The following GPR158 variants were observed in gnomAD, a reference collection of about 807,000 sequenced individuals.
GPR158 encodes metabotropic glycine receptor.
A neutral mutation model predicts 78.2 loss-of-function variants in GPR158; 30 were observed. That is an observed-to-expected ratio of 0.38 (90% CI 0.29 to 0.52). The LOEUF is 0.52. Ranked by LOEUF, GPR158 falls within the 20% of genes least tolerant of loss-of-function variation. The probability of loss-of-function intolerance (pLI) is 0.83; values close to 1 mark genes in which losing one functional copy is unlikely to be tolerated. For missense variants in GPR158, 1,463 were observed against 1,523.5 expected (o/e 0.96, Z 0.66); for synonymous variants, 581 against 591.1 (o/e 0.98, Z 0.25).
At chr10:25,286,753 C>T (rs78971816) in intron 2 of GPR158, among the ~76,000 whole-genome samples, 2,365 of 152,138 alleles carry the variant, frequency 0.016, 21 homozygotes, top group Non-Finnish European at 0.027. Context: ...GGTGGCATTT[C>T]ATTCAATATG....
At chr10:25,493,057 T>G (rs1835832711) in intron 5 of GPR158, among the ~76,000 whole-genome samples, 1 of 152,034 alleles carries the variant, frequency 6.6e-6, no homozygotes, top group Non-Finnish European at 1.5e-5. Flanking sequence ...CATACAGAAT[T>G]GCAATTTAAG....
chr10:25,518,221 C>T (rs1342933616), intron 5 of GPR158, among the ~76,000 whole-genome samples: 1 of 83,448 alleles, frequency 1.2e-5, no homozygotes, highest in African/African-American at 6.4e-5. Flanking sequence ...TGGTGATATC[C>T]CCTTTATCAT....
chr10:25,552,407 T>G (rs1366600697), intron 6 of GPR158, among the ~76,000 whole-genome samples: 1 of 152,160 alleles, frequency 6.6e-6, no homozygotes, highest in Non-Finnish European at 1.5e-5. Flanking sequence ...TGACAGCCCA[T>G]GTGGACAATA....
chr10:25,343,462 A>T (rs1855331587), intron 2 of GPR158, among the ~76,000 whole-genome samples: 1 of 152,028 alleles, frequency 6.6e-6, no homozygotes, highest in African/African-American at 2.4e-5. Context: ...ATGTTTACAG[A>T]GATAATAAGT....
chr10:25,322,009 A>G (rs1324131874), intron 2 of GPR158, among the ~76,000 whole-genome samples: 4 of 152,178 alleles, frequency 2.6e-5, no homozygotes, highest in Non-Finnish European at 5.9e-5. Flanking sequence ...AATCTTTTTA[A>G]TAGGTCTTTT....
chr10:25,470,727 T>C (rs932456833), intron 5 of GPR158, among the ~76,000 whole-genome samples: 1 of 152,148 alleles, frequency 6.6e-6, no homozygotes, highest in East Asian at 1.9e-4. Flanking sequence ...ATTTAATCTT[T>C]CCCACAGAAC....
intron 7 of GPR158, among the ~76,000 whole-genome samples, chr10:25,582,500 A>G (rs1464542625): frequency 6.6e-6 from 1 of 152,228 alleles, no homozygotes; most frequent in Non-Finnish European, 1.5e-5. Flanking sequence ...GAACAGAAGC[A>G]ATGAAGAAAA....
chr10:25,433,228 G>A (rs540073652), intron 4 of GPR158, among the ~76,000 whole-genome samples: 11 of 152,194 alleles, frequency 7.2e-5, no homozygotes, highest in South Asian at 4.1e-4. Context: ...AATGTAATTC[G>A]CTCTTAAACT....
chr10:25,537,000 A>T (rs140717619), intron 5 of GPR158, among the ~76,000 whole-genome samples: 2,400 of 152,352 alleles, frequency 0.016, 34 homozygotes, highest in Middle Eastern at 0.048. Context: ...CAGAGTCCTA[A>T]GTGGTCCAGC....
chr10:25,232,909 G>T (rs1478755415), intron 2 of GPR158, among the ~76,000 whole-genome samples: 1 of 152,164 alleles, frequency 6.6e-6, no homozygotes, highest in Non-Finnish European at 1.5e-5. Context: ...TATGGAAAGT[G>T]GTAGGGAAGA....
intron 5 of GPR158, among the ~76,000 whole-genome samples, chr10:25,512,991 T>C (rs538179405): frequency 6.6e-6 from 1 of 152,240 alleles, no homozygotes; most frequent in South Asian, 2.1e-4. Context: ...TCTGTAGTTT[T>C]CTTTTTTTGT....
At chr10:25,507,221 T>C (rs2130664741) in intron 5 of GPR158, among the ~76,000 whole-genome samples, 1 of 152,266 alleles carries the variant, frequency 6.6e-6, no homozygotes, top group Middle Eastern at 3.4e-3. Flanking sequence ...GTTCCTAATT[T>C]TAAGAGGAAG....
At chr10:25,565,190 T>C (rs1047088802) in intron 6 of GPR158, among the ~76,000 whole-genome samples, 1 of 152,232 alleles carries the variant, frequency 6.6e-6, no homozygotes, top group African/African-American at 2.4e-5. Flanking sequence ...AACTAATTGG[T>C]CAATTAAATC....
chr10:25,514,484 T>A (rs1053424461), intron 5 of GPR158, among the ~76,000 whole-genome samples: 1 of 152,176 alleles, frequency 6.6e-6, no homozygotes, highest in African/African-American at 2.4e-5. Context: ...TTCTTCTTAG[T>A]GGAGCATTTA....
intron 4 of GPR158, among the ~76,000 whole-genome samples, chr10:25,447,513 C>T (rs999815613): frequency 6.6e-6 from 1 of 152,118 alleles, no homozygotes; most frequent in Non-Finnish European, 1.5e-5. Context: ...CCTTTCCTTG[C>T]AGGGCTTTCT....
intron 1 of GPR158, among the ~76,000 whole-genome samples, chr10:25,204,701 G>A (rs1025680432): frequency 6.6e-6 from 1 of 151,830 alleles, no homozygotes; most frequent in East Asian, 1.9e-4. Flanking sequence ...CAGGGATATT[G>A]GTCTAAAATT....
intron 4 of GPR158, 61 bp downstream of exon 4, chr10:25,412,534 C>A: frequency 1.7e-6 from 2 of 1,176,080 alleles, no homozygotes; most frequent in Non-Finnish European, 2.5e-6. Context: ...TCTTTTTAAG[C>A]AAACAGAATT....
At chr10:25,217,311 C>G (rs1257394647) in intron 1 of GPR158, among the ~76,000 whole-genome samples, 3 of 152,124 alleles carry the variant, frequency 2.0e-5, no homozygotes, top group Admixed American at 1.3e-4. Flanking sequence ...TCTGTGGTCA[C>G]TTCTGTGTAT....
Position 25,175,795 on chromosome 10 carries a change from G to T in GPR158, c.375G>T (p.Ala125=), listed in dbSNP as rs1238466479. The change falls in exon 1 of 11, where the codon GCG becomes GCT. Residue 125 remains alanine, a synonymous_variant. Transcript: ENST00000376351. The surrounding 1 kb of genome is among the most constrained non-coding windows in gnomAD (Gnocchi z 6.4). ...GCGCGCACCCCTCCTTGCACCGGGC[G>T]CTGGACACACTGACACACGCCACCA... is the stretch of plus-strand genomic sequence containing the variant. ...LASAHPSLHR[A]LDTLTHATNF... 2 of 1,611,646 alleles carry T rather than the reference G, an allele frequency of 1.2e-6. No homozygotes were observed. Among genetic ancestry groups the T allele is most frequent in the Admixed American group, 3.3e-5 (2 of 60,026 alleles).
Sources: gnomAD v4.1 joint callset for allele counts (sites outside exome capture counted in the v4.1 genomes callset) on GRCh38, gnomAD v4.1.1 for gene constraint, Gnocchi (gnomAD v3.1) non-coding constraint, MANE v1.5 for transcripts, NCBI Gene and HGNC (gene_info 2026-07-23, HGNC 2026-07-21) for gene names.